The following AASS variants were observed in gnomAD, a reference collection of about 807,000 sequenced individuals.
AASS encodes alpha-aminoadipic semialdehyde synthase, mitochondrial.
Under a neutral mutation model 105.4 loss-of-function variants are expected in AASS, and 86 were observed. The observed-to-expected ratio is 0.82, with a 90% confidence interval of 0.69 to 0.98. AASS has a LOEUF of 0.98. Among genes scored for constraint, AASS ranks in the 50% least tolerant of loss-of-function variants. The pLI, the probability that AASS is intolerant of heterozygous loss-of-function variation, is 0.00. For missense variants in AASS, 1,048 were observed against 1,143.2 expected (o/e 0.92, Z 1.20); for synonymous variants, 381 against 394.8 (o/e 0.96, Z 0.41).
chr7:122,133,046 T>C (rs559366174), intron 2 of AASS, among the ~76,000 whole-genome samples: 24 of 152,272 alleles, frequency 1.6e-4, no homozygotes, highest in Admixed American at 2.6e-4. Context: ...GAGATGCACA[T>C]TGGAGCATTT....
At chr7:122,133,844 G>T in intron 1 of AASS, 103 bp from the exon 2 acceptor site, 1 of 981,198 alleles carries the variant, frequency 1.0e-6, no homozygotes, top group Non-Finnish European at 1.6e-6. Context: ...CCGCTCTTAT[G>T]AAAACAGACA....
At chr7:122,108,042 G>A (rs1342024816) in intron 11 of AASS, among the ~76,000 whole-genome samples, 1 of 149,772 alleles carries the variant, frequency 6.7e-6, no homozygotes, top group Non-Finnish European at 1.5e-5. Context: ...TATGAACAAT[G>A]ATATGCCAAA....
intron 15 of AASS, among the ~76,000 whole-genome samples, chr7:122,094,216 T>C (rs548096416): frequency 1.3e-5 from 2 of 152,240 alleles, no homozygotes; most frequent in South Asian, 4.1e-4. Flanking sequence ...TTGTAATAAA[T>C]GTGCACATGT....
At position 122,113,243 on chromosome 7, in the gene AASS, T is replaced by C; in HGVS notation, c.1167-14A>G. 6.2e-7 allele frequency: 1 copy of C among 1,608,498 alleles called. No individual in the cohort carries two copies. The highest frequency in any genetic ancestry group is 8.5e-7 in the Non-Finnish European group (1 of 1,174,966). ...GAGCCTTCAACACTAAAAGCAGCAA[T>C]GTGGTTTATTCAGAAGCACAAAACA... On this transcript the variant is annotated splice_polypyrimidine_tract_variant and intron_variant, in intron 10 of 23. Transcript: ENST00000417368.
intron 21 of AASS, 51 bp downstream of exon 21, chr7:122,079,546 G>T: frequency 7.3e-7 from 1 of 1,375,768 alleles, no homozygotes; most frequent in East Asian, 2.3e-5. Flanking sequence ...GTAGAAATTA[G>T]CAATCATTGA....
At position 122,091,712 on chromosome 7, in the gene AASS, G is replaced by A. The variant is rs552032785; in HGVS notation, c.2007C>T (p.Leu669=). Residue 669 remains leucine (L), a synonymous_variant, in exon 18 of 24, where the codon CTC becomes CTT. Transcript: ENST00000417368. ...MNVMQSATYL[L]DGKVVNVAGG... ...GGATAAGATTCCTCACCTTTCCATC[G>A]AGCAGATAGGTGGCAGACTGCATTA... The A allele has an allele frequency of 1.1e-5, 17 of 1,613,240 alleles. No homozygotes were observed. Among genetic ancestry groups the A allele is most frequent in the East Asian group, 2.2e-5 (1 of 44,834 alleles).
At chr7:122,117,487 C>G (rs991722394) in intron 6 of AASS, among the ~76,000 whole-genome samples, 2 of 152,048 alleles carry the variant, frequency 1.3e-5, no homozygotes, top group African/African-American at 4.8e-5. Context: ...TTCCTAACAT[C>G]TTGTTTGCAA....
Position 122,098,446 on chromosome 7 carries a change from T to G in AASS, c.1655+4A>C. 6.2e-7 allele frequency: 1 copy of G among 1,611,988 alleles called. No individual in the cohort carries two copies. Among genetic ancestry groups the G allele is most frequent in the Non-Finnish European group, 8.5e-7 (1 of 1,178,622 alleles). On this transcript the variant is annotated splice_donor_region_variant and intron_variant, in intron 15 of 23. Coordinates refer to ENST00000417368, the MANE Select transcript of AASS (RefSeq NM_005763.4). ...ATGAAACTCATTTCTTGCCAGATAC[T>G]GACCTGATGACAAGATCCTGTTTTG...
intron 2 of AASS, 102 bp from the exon 3 acceptor site, chr7:122,129,639 A>G: frequency 1.9e-6 from 2 of 1,075,120 alleles, no homozygotes; most frequent in East Asian, 2.4e-5. Context: ...TTTTGAAGGA[A>G]TAAAATCTGT....
At chr7:122,105,095 T>C (rs1264247040) in intron 11 of AASS, among the ~76,000 whole-genome samples, 1 of 152,002 alleles carries the variant, frequency 6.6e-6, no homozygotes, top group African/African-American at 2.4e-5. Flanking sequence ...TTATTCTAGA[T>C]AGAAAAAACT....
chr7:122,098,686 G>A (rs1200906693), intron 14 of AASS, 59 bp downstream of exon 14: 1 of 1,588,538 alleles, frequency 6.3e-7, no homozygotes, highest in Non-Finnish European at 8.6e-7. Flanking sequence ...CTTCTAAAAT[G>A]TAGAAGTCAA....
At chr7:122,080,073 A>C (rs2150507592) in intron 20 of AASS, among the ~76,000 whole-genome samples, 1 of 152,300 alleles carries the variant, frequency 6.6e-6, no homozygotes, top group South Asian at 2.1e-4. Context: ...TTTGACCAGG[A>C]TAAAGTGGAA....
At position 122,101,443 on chromosome 7, in the gene AASS, A is replaced by G; in HGVS notation, c.1339-5T>C. ...ACCGTTGGATGTAATCACTGCCTAAATGTATATGACACAAGACATTTCTTT... is the reference window on the plus strand; with the variant it reads ...ACCGTTGGATGTAATCACTGCCTAAGTGTATATGACACAAGACATTTCTTT... On this transcript the variant is annotated splice_polypyrimidine_tract_variant and splice_region_variant and intron_variant, in intron 12 of 23. Transcript: ENST00000417368. The G allele has an allele frequency of 6.2e-7, 1 of 1,606,622 alleles. No homozygotes were observed. Among genetic ancestry groups the G allele is most frequent in the Non-Finnish European group, 8.5e-7 (1 of 1,173,818 alleles).
chr7:122,119,677 T>C (rs1795349863), intron 4 of AASS, among the ~76,000 whole-genome samples: 1 of 152,224 alleles, frequency 6.6e-6, no homozygotes, highest in Non-Finnish European at 1.5e-5. Flanking sequence ...GTTTGGTAAC[T>C]GTTAACAAAT....
intron 4 of AASS, 135 bp from the exon 5 acceptor site, chr7:122,118,765 T>C: frequency 1.1e-6 from 1 of 871,804 alleles, no homozygotes; most frequent in Non-Finnish European, 1.9e-6. Context: ...GAGGCCTCAG[T>C]AGATTGTATC....
In AASS at chr7:122,118,353, A is replaced by C; in HGVS notation, c.641T>G (p.Ile214Arg). The change falls in exon 6 of 24, where the codon ATA becomes AGA. Residue 214 changes from isoleucine to arginine, a missense_variant. By Grantham distance (97) the Ile-to-Arg change is moderately conservative. Transcript: ENST00000417368. ...EISLGLMPKSIGPLTFVFTGT... is the reference protein window; with the variant it reads ...EISLGLMPKSRGPLTFVFTGT... ...TGTGAACACAAATGTTAAGGGTCCT[A>C]TTGACTTAGGCATCAAACCCAAAGA... The C allele has an allele frequency of 6.2e-7, 1 of 1,614,152 alleles. No individual in the cohort carries two copies. The highest frequency in any genetic ancestry group is 1.7e-5 in the Admixed American group (1 of 60,008).
At chr7:122,086,274 T>A in intron 18 of AASS, 95 bp from the exon 19 acceptor site, 1 of 1,243,360 alleles carries the variant, frequency 8.0e-7, no homozygotes, top group African/African-American at 1.5e-5. Flanking sequence ...AACAGAAATT[T>A]GAAAAAAAAA....
chr7:122,139,302 T>C (rs1218463903), intron 1 of AASS, among the ~76,000 whole-genome samples: 8 of 152,188 alleles, frequency 5.3e-5, no homozygotes, highest in African/African-American at 1.7e-4. Flanking sequence ...TTGGTAAAGA[T>C]ATAAAGAAGC....
In AASS at chr7:122,079,612, A is replaced by C; in HGVS notation, c.2381T>G (p.Leu794Trp). The change falls in exon 21 of 24, where the codon TTG becomes TGG. Residue 794 changes from leucine (L) to tryptophan (W), a missense_variant. Coordinates refer to ENST00000417368, the MANE Select transcript of AASS (RefSeq NM_005763.4). ...GGGTGCCTACCATTCAGCAGCCTCC[A>C]ACTGGGTATTGTCTCCTCCTAGTTT... is the stretch of plus-strand genomic sequence containing the variant. ...LKKLGGDNTQ[L>W]EAAEWLGLLG... is the part of the protein sequence containing the mutation. 1 of 1,613,492 alleles carries C rather than the reference A, an allele frequency of 6.2e-7. No individual in the cohort carries two copies. The highest frequency in any genetic ancestry group is 8.5e-7 in the Non-Finnish European group (1 of 1,179,458).
Sources: gnomAD v4.1 joint callset for allele counts (sites outside exome capture counted in the v4.1 genomes callset) on GRCh38, gnomAD v4.1.1 for gene constraint, MANE v1.5 for transcripts, NCBI Gene and HGNC (gene_info 2026-07-23, HGNC 2026-07-21) for gene names.